Variants in NCKAP5 observed in about 807,000 individuals in gnomAD.
The protein encoded by NCKAP5 is nck-associated protein 5.
In NCKAP5, 92 loss-of-function variants were observed where a neutral mutation model predicts 167.0. The observed-to-expected ratio is 0.55, with a 90% CI of 0.47 to 0.66. The LOEUF (loss-of-function observed/expected upper bound fraction) is 0.66. Ranked by LOEUF, NCKAP5 falls within the 30% of genes least tolerant of loss-of-function variation. The probability of loss-of-function intolerance (pLI) is 0.00; values close to 1 mark genes in which losing one functional copy is unlikely to be tolerated. For synonymous variants in NCKAP5, 891 were observed against 877.4 expected (o/e 1.02, Z -0.27); for missense variants, 2,378 against 2,315.0 (o/e 1.03, Z -0.56).
chr2:132,676,283 C>CTTTTTTT (rs61213029), intron 19 of NCKAP5, among the ~76,000 whole-genome samples: 9 of 61,166 alleles, frequency 1.5e-4, no homozygotes, highest in Non-Finnish European at 2.3e-4. Context: ...TTGTTTTATC[C>CTTTTTTT]TTTTTTTTTT....
intron 6 of NCKAP5, among the ~76,000 whole-genome samples, chr2:133,043,774 G>A (rs1396793983): frequency 6.6e-6 from 1 of 152,036 alleles, no homozygotes; most frequent in Non-Finnish European, 1.5e-5. Context: ...CGTCATGAGG[G>A]CAGAGACTTT....
intron 6 of NCKAP5, among the ~76,000 whole-genome samples, chr2:133,114,999 A>C (rs1204517052): frequency 6.6e-6 from 1 of 152,170 alleles, no homozygotes; most frequent in African/African-American, 2.4e-5. Context: ...ATTAGCTAAA[A>C]TTTCTTACAA....
intron 6 of NCKAP5, among the ~76,000 whole-genome samples, chr2:133,012,742 CT>C (rs2078204735): frequency 6.6e-6 from 1 of 152,132 alleles, no homozygotes; most frequent in African/African-American, 2.4e-5. Context: ...GGCCACACCC[CT>C]GTTTAGGATC....
the NCKAP5 span, among the ~76,000 whole-genome samples, chr2:133,647,494 A>AAGGAG: frequency 8.2e-6 from 1 of 122,414 alleles, no homozygotes; most frequent in Middle Eastern, 3.4e-3. Flanking sequence ...AAGGAAAGGA[A>AAGGAG]AGGAAAGGAA....
chr2:133,000,105 G>A (rs193165277), intron 6 of NCKAP5, among the ~76,000 whole-genome samples: 1 of 152,270 alleles, frequency 6.6e-6, no homozygotes, highest in East Asian at 1.9e-4. Flanking sequence ...GTGAGAGGGT[G>A]CAAGAAGTGC....
At chr2:133,085,184 A>G (rs2080945197) in intron 6 of NCKAP5, among the ~76,000 whole-genome samples, 1 of 152,146 alleles carries the variant, frequency 6.6e-6, no homozygotes, top group South Asian at 2.1e-4. Context: ...AGCTCATAAC[A>G]TACTGCTTCA....
Position 132,969,449 on chromosome 2 carries a change from G to C in NCKAP5, c.430-5580C>G, listed in dbSNP as rs572498672. ...AATTGAGTACAAGCAGCTCATTTGGGAGATGCAGGAAACACCAGTAGGGAG... is the reference window on the plus strand; with the variant it reads ...AATTGAGTACAAGCAGCTCATTTGGCAGATGCAGGAAACACCAGTAGGGAG... On this transcript the variant is annotated intron_variant, in intron 7 of 19. Transcript: ENST00000409261. 3.9e-5 allele frequency among the ~76,000 whole-genome samples: 6 copies of C among 152,170 alleles called. No individual in the cohort carries two copies. In the South Asian group the frequency reaches 6.2e-4, roughly 16 times the overall value.
chr2:133,185,896 C>T (rs1434842396), intron 5 of NCKAP5, among the ~76,000 whole-genome samples: 2 of 152,032 alleles, frequency 1.3e-5, no homozygotes, highest in Non-Finnish European at 2.9e-5. Flanking sequence ...AGAACCATAT[C>T]GTCAGTGAAG....
intron 6 of NCKAP5, among the ~76,000 whole-genome samples, chr2:133,003,295 C>A (rs565272729): frequency 6.6e-6 from 1 of 152,290 alleles, no homozygotes; most frequent in South Asian, 2.1e-4. Flanking sequence ...AATTCCATTG[C>A]CTTCCTCAAC....
intron 4 of NCKAP5, among the ~76,000 whole-genome samples, chr2:133,222,059 A>T (rs1360522024): frequency 6.6e-6 from 1 of 152,168 alleles, no homozygotes; most frequent in Non-Finnish European, 1.5e-5. Context: ...ACTTCACATG[A>T]TATACTTAAA....
intron 3 of NCKAP5, among the ~76,000 whole-genome samples, chr2:133,433,252 T>A (rs917072771): frequency 2.6e-5 from 4 of 152,228 alleles, no homozygotes; most frequent in East Asian, 1.9e-4. Flanking sequence ...GTTTTGCATA[T>A]CAACCAAGGA....
At chr2:132,997,345 A>C (rs1418350914) in intron 6 of NCKAP5, among the ~76,000 whole-genome samples, 1 of 152,226 alleles carries the variant, frequency 6.6e-6, no homozygotes, top group African/African-American at 2.4e-5. Context: ...TTGTGACCAC[A>C]CATTTATACA....
At chr2:133,342,100 A>G (rs1187739942) in intron 3 of NCKAP5, among the ~76,000 whole-genome samples, 1 of 151,934 alleles carries the variant, frequency 6.6e-6, no homozygotes, top group Non-Finnish European at 1.5e-5. Context: ...CACCATGCCC[A>G]GCTAATTTTT....
At chr2:133,045,527 G>A (rs373525252) in intron 6 of NCKAP5, among the ~76,000 whole-genome samples, 7 of 151,972 alleles carry the variant, frequency 4.6e-5, no homozygotes, top group African/African-American at 1.2e-4. Context: ...TAGATGTTGC[G>A]AAGACAAGGG....
intron 5 of NCKAP5, among the ~76,000 whole-genome samples, chr2:133,211,226 G>C (rs1025558052): frequency 1.3e-5 from 2 of 151,888 alleles, no homozygotes; most frequent in Non-Finnish European, 2.9e-5. Flanking sequence ...TACTATGCCT[G>C]TTCTATTTTA....
rs34264277 is a variant in NCKAP5, at chr2:133,181,603, C to CAAAAAAAAAAAAAAAAAAA, written c.207+32094_207+32112dup. 9.8e-5 allele frequency among the ~76,000 whole-genome samples: 7 copies of CAAAAAAAAAAAAAAAAAAA among 71,150 alleles called. 1 individual carries two copies. The highest frequency in any genetic ancestry group is 3.5e-4 in the African/African-American group (6 of 17,354). The allele number at this position is 71,150 out of a possible 152,430, so 46.7% of individuals were successfully genotyped here. A position where few individuals can be genotyped will look rare whatever the true frequency, so the allele number is the denominator to read the frequency against. Reference sequence around the variant, plus strand: ...GCAACATGGTAAATCCCCATCTCTACAAAAAAAAAAAAAAAAAAAAAAAAA... The same window carrying CAAAAAAAAAAAAAAAAAAA: ...GCAACATGGTAAATCCCCATCTCTACAAAAAAAAAAAAAAAAAAAAAAAAAAAAAAAAAAAAAAAAAAAA... On this transcript the variant is annotated intron_variant, in intron 5 of 19. Coordinates refer to ENST00000409261, the MANE Select transcript of NCKAP5 (RefSeq NM_207363.3).
chr2:132,786,714 G>A (rs1029983403), intron 13 of NCKAP5, among the ~76,000 whole-genome samples: 3 of 152,122 alleles, frequency 2.0e-5, no homozygotes, highest in Admixed American at 6.5e-5. Flanking sequence ...CATTTACAGG[G>A]TGCTTTCACT....
chr2:133,357,489 C>A (rs1381345554), intron 3 of NCKAP5, among the ~76,000 whole-genome samples: 1 of 151,990 alleles, frequency 6.6e-6, no homozygotes, highest in Non-Finnish European at 1.5e-5. Flanking sequence ...CAAAATTAAA[C>A]CAATTTAATT....
the NCKAP5 span, among the ~76,000 whole-genome samples, chr2:133,643,138 A>G: frequency 6.6e-6 from 1 of 152,168 alleles, no homozygotes; most frequent in African/African-American, 2.4e-5. Context: ...AAACTTTATC[A>G]TTGTTAATTG....
Sources: gnomAD v4.1 joint callset for allele counts (sites outside exome capture counted in the v4.1 genomes callset) on GRCh38, gnomAD v4.1.1 for gene constraint, MANE v1.5 for transcripts, NCBI Gene and HGNC (gene_info 2026-07-23, HGNC 2026-07-21) for gene names.